CACNA1H: variants seen among roughly 807,000 people sequenced by gnomAD.
CACNA1H encodes voltage-dependent T-type calcium channel subunit alpha-1H.
Under a neutral mutation model 192.5 loss-of-function variants are expected in CACNA1H, and 149 were observed. The observed-to-expected ratio is 0.77, with a 90% CI of 0.68 to 0.89. CACNA1H has a LOEUF of 0.89. CACNA1H is among the 40% of genes least tolerant of loss of function. The pLI is 0.00. For synonymous variants in CACNA1H, 2,202 were observed against 1,475.2 expected, an observed-to-expected ratio of 1.49 and a Z score of -11.29; for missense variants, 4,257 against 3,423.5, an observed-to-expected ratio of 1.24 and a Z score of -6.08.
chr16:1,219,217 C>CGAG, intron 34 of CACNA1H, 87 bp downstream of exon 34: 2 of 1,316,036 alleles, frequency 1.5e-6, no homozygotes, highest in Non-Finnish European at 2.0e-6. Flanking sequence ...GACCAGCAGA[C>CGAG]GAGGACAAGG....
In CACNA1H at chr16:1,197,670, G is replaced by A. The variant is rs530588925; in HGVS notation, c.644-945G>A. 3.0e-4 allele frequency among the ~76,000 whole-genome samples: 45 copies of A among 152,298 alleles called. No homozygotes were observed. In the South Asian group the frequency reaches 3.9e-3, roughly 13 times the overall value. On this transcript the variant is annotated intron_variant, in intron 5 of 34. Coordinates refer to ENST00000348261, the MANE Select transcript of CACNA1H (RefSeq NM_021098.3). ...GCAGTGCTCACTGATTGTCTGCTCC[G>A]GTCGGCTCTTTTGACACTTCAGTGC...
rs1970375376 is a variant in CACNA1H, at chr16:1,220,252, C to T, written c.6320C>T (p.Ser2107Phe). ...GAGGAGGTCAGCCACATCACCAGCT[C>T]CGCCTGCCCCTGGCAGCCCACAGCC... ...ADEEVSHITS[S>F]ACPWQPTAEP... Residue 2107 changes from serine to phenylalanine, a missense_variant, in exon 35 of 35, where the codon TCC becomes TTC. Physicochemically the swap from Ser to Phe is radical, Grantham distance 155 (BLOSUM62 -2). Coordinates refer to ENST00000348261, the MANE Select transcript of CACNA1H (RefSeq NM_021098.3). 1 of 1,585,870 alleles carries T rather than the reference C, an allele frequency of 6.3e-7. No individual in the cohort carries two copies. The highest frequency in any genetic ancestry group is 8.5e-7 in the Non-Finnish European group (1 of 1,172,486).
At chr16:1,158,415 C>A (rs1477424797) in intron 2 of CACNA1H, among the ~76,000 whole-genome samples, 1 of 151,650 alleles carries the variant, frequency 6.6e-6, no homozygotes, top group East Asian at 1.9e-4. Flanking sequence ...TCATCCTTCC[C>A]GGGGTGATGG....
chr16:1,215,486 C>G, intron 29 of CACNA1H, 37 bp from the exon 30 acceptor site: 1 of 1,602,854 alleles, frequency 6.2e-7, no homozygotes, highest in Non-Finnish European at 8.5e-7. Context: ...CAGGGAGGGT[C>G]CGCCCAGCCC....
At chr16:1,204,601 A>T in intron 10 of CACNA1H, 143 bp downstream of exon 10, 1 of 649,632 alleles carries the variant, frequency 1.5e-6, no homozygotes. Context: ...GATGGTGAGG[A>T]TAGGAGACCA....
intron 14 of CACNA1H, 37 bp from the exon 15 acceptor site, chr16:1,207,733 G>T (rs951272465): frequency 6.5e-7 from 1 of 1,546,728 alleles, no homozygotes; most frequent in African/African-American, 1.4e-5. Flanking sequence ...CCACTCACGG[G>T]GCCCCTCATG....
At chr16:1,166,028 C>T (rs1245169694) in intron 2 of CACNA1H, among the ~76,000 whole-genome samples, 1 of 152,210 alleles carries the variant, frequency 6.6e-6, no homozygotes, top group Non-Finnish European at 1.5e-5. Flanking sequence ...CTGTTGGCAC[C>T]GTAGGGGGAC....
At chr16:1,187,216 G>A (rs914992895) in intron 2 of CACNA1H, among the ~76,000 whole-genome samples, 3 of 152,248 alleles carry the variant, frequency 2.0e-5, no homozygotes, top group South Asian at 2.1e-4. Flanking sequence ...GGGAGGAGGC[G>A]GCCAGCGCCG....
chr16:1,198,801 C>A, intron 6 of CACNA1H, 27 bp downstream of exon 6: 4 of 1,593,876 alleles, frequency 2.5e-6, no homozygotes, highest in African/African-American at 2.7e-5. Context: ...CCCGTGAGGC[C>A]CCTGCCCAGA....
Position 1,215,299 on chromosome 16 carries a change from G to C in CACNA1H, c.5097G>C (p.Glu1699Asp). ...VLLSLMGITL[E>D]EIEMSAALPI... The stretch of plus-strand genomic sequence containing the variant: ...TGTCACTCATGGGCATCACGCTGGA[G>C]GAGATAGAGATGAGCGCCGCGCTGC... The change falls in exon 29 of 35, where the codon GAG becomes GAC. Residue 1699 changes from glutamate to aspartate, a missense_variant. Transcript: ENST00000348261. 1.2e-6 allele frequency: 2 copies of C among 1,610,272 alleles called. No homozygotes were observed. The highest frequency in any genetic ancestry group is 1.7e-6 in the Non-Finnish European group (2 of 1,178,746).
intron 17 of CACNA1H, among the ~76,000 whole-genome samples, 179 bp from the exon 18 acceptor site, chr16:1,209,856 C>G (rs1047253832): frequency 6.6e-6 from 1 of 152,196 alleles, no homozygotes; most frequent in African/African-American, 2.4e-5. Flanking sequence ...AAGGGGGAGG[C>G]TCCACGGTAT....
At chr16:1,153,531 G>T (rs1961848427) in intron 1 of CACNA1H, 61 bp downstream of exon 1, 2 of 303,380 alleles carry the variant, frequency 6.6e-6, no homozygotes, top group East Asian at 1.1e-4. Context: ...GCGGGCCGGG[G>T]AGCCCCTCGG....
At chr16:1,171,019 C>T (rs1323931967) in intron 2 of CACNA1H, among the ~76,000 whole-genome samples, 1 of 152,042 alleles carries the variant, frequency 6.6e-6, no homozygotes, top group Non-Finnish European at 1.5e-5. Context: ...TAGCTCTCCC[C>T]CCAACCACTG....
chr16:1,204,191 T>G lies in CACNA1H; in HGVS notation c.2184T>G (p.Tyr728Ter). The change falls in exon 10 of 35, where the codon TAT becomes TAG. Residue 728 changes from tyrosine (Y) to a stop codon, truncating the protein, a stop_gained. Transcript: ENST00000348261. LOFTEE classifies it high-confidence loss of function. ...ESGDSDGRGV[Y>*]EFTQDVRHGD... The stretch of plus-strand genomic sequence containing the variant: ...GAGACTCAGATGGCCGTGGCGTCTA[T>G]GAATTCACGCAGGACGTCCGGCACG... The G allele has an allele frequency of 6.2e-7, 1 of 1,612,286 alleles. No homozygotes were observed. Among genetic ancestry groups the G allele is most frequent in the Non-Finnish European group, 8.5e-7 (1 of 1,179,676 alleles).
At chr16:1,192,378 G>C (rs1159230078) in intron 2 of CACNA1H, among the ~76,000 whole-genome samples, 1 of 152,250 alleles carries the variant, frequency 6.6e-6, no homozygotes, top group African/African-American at 2.4e-5. Flanking sequence ...AGCTTTCATG[G>C]TGACTGGCAC....
rs140961791 is a variant in CACNA1H, at chr16:1,166,284, G to A, written c.299+12248G>A. The stretch of plus-strand genomic sequence containing the variant: ...GCTGCTCCATTTGTCTGCGTGGGGA[G>A]CGGGAGACAGGAGCTCCCTGTGGCT... On this transcript the variant is annotated intron_variant, in intron 2 of 34. Transcript: ENST00000348261. 9.0e-3 allele frequency among the ~76,000 whole-genome samples: 1,366 copies of A among 152,300 alleles called. 15 individuals are homozygous for A. The highest frequency in any genetic ancestry group is 0.031 in the African/African-American group (1,286 of 41,544).
At chr16:1,163,770 C>T (rs180722361) in intron 2 of CACNA1H, among the ~76,000 whole-genome samples, 192 of 152,326 alleles carry the variant, frequency 1.3e-3, no homozygotes, top group Non-Finnish European at 2.2e-3. Flanking sequence ...CACTGGGCCA[C>T]GGGCTCTTGT....
At chr16:1,218,094 C>A in intron 32 of CACNA1H, 54 bp downstream of exon 32, 2 of 1,570,076 alleles carry the variant, frequency 1.3e-6, no homozygotes, top group Admixed American at 3.6e-5. Context: ...GTTTTTCAGG[C>A]TCTCCCAGGA....
intron 2 of CACNA1H, among the ~76,000 whole-genome samples, chr16:1,186,147 C>G (rs11643525): frequency 0.97 from 75,279 of 77,764 alleles, 36,430 homozygotes; most frequent in East Asian, 1. Flanking sequence ...GGGCGGGTGA[C>G]TAGACGGTCG....
Sources: gnomAD v4.1 joint callset for allele counts (sites outside exome capture counted in the v4.1 genomes callset) on GRCh38, gnomAD v4.1.1 for gene constraint, MANE v1.5 for transcripts, NCBI Gene and HGNC (gene_info 2026-07-23, HGNC 2026-07-21) for gene names.